Variants in RIGI observed in about 807,000 individuals in gnomAD.
The protein encoded by RIGI is antiviral innate immune response receptor RIG-I.
the RIGI span, among the ~76,000 whole-genome samples, chr9:32,504,600 C>A: frequency 6.6e-6 from 1 of 151,298 alleles, no homozygotes; most frequent in African/African-American, 2.4e-5. Context: ...ATCGCTTGAA[C>A]CCCAGAGATG....
At chr9:32,476,790 A>C in the RIGI span, among the ~76,000 whole-genome samples, 2 of 151,956 alleles carry the variant, frequency 1.3e-5, no homozygotes, top group African/African-American at 4.8e-5. Flanking sequence ...AGCACCAGCT[A>C]ATTTTTCTTT....
At chr9:32,495,659 C>CTTTTT in the RIGI span, among the ~76,000 whole-genome samples, 1 of 120,762 alleles carries the variant, frequency 8.3e-6, no homozygotes, top group Non-Finnish European at 1.7e-5. Context: ...AGTCCTTTGC[C>CTTTTT]TTTTTTTTTT....
chr9:32,508,258 T>TTTTTTTTTTAA, the RIGI span, among the ~76,000 whole-genome samples: 1 of 137,998 alleles, frequency 7.2e-6, no homozygotes, highest in African/African-American at 2.9e-5. Context: ...TTTTTTTTTT[T>TTTTTTTTTTAA]ACTATATGAA....
At chr9:32,457,576 T>C in the RIGI span, among the ~76,000 whole-genome samples, 5 of 151,546 alleles carry the variant, frequency 3.3e-5, no homozygotes, top group African/African-American at 7.3e-5. Context: ...AAAAATAGAT[T>C]CACCCAAAGT....
chr9:32,492,185 C>G, the RIGI span, among the ~76,000 whole-genome samples: 1 of 152,110 alleles, frequency 6.6e-6, no homozygotes, highest in African/African-American at 2.4e-5. Flanking sequence ...GTGGTTTTCC[C>G]CAGTCCATTT....
the RIGI span, among the ~76,000 whole-genome samples, chr9:32,506,625 A>G: frequency 6.6e-6 from 1 of 152,176 alleles, no homozygotes; most frequent in Non-Finnish European, 1.5e-5. Context: ...TTTTTCCAGT[A>G]TATGAAAATA....
the RIGI span, among the ~76,000 whole-genome samples, chr9:32,483,534 T>C: frequency 2.0e-5 from 3 of 152,124 alleles, no homozygotes; most frequent in Non-Finnish European, 4.4e-5. Context: ...ACTTCCCCAA[T>C]TCAAACCACA....
chr9:32,499,238 T>C, the RIGI span, among the ~76,000 whole-genome samples: 26 of 47,476 alleles, frequency 5.5e-4, no homozygotes, highest in East Asian at 7.2e-3. Flanking sequence ...ATTTTAAGAC[T>C]TTTTTTAATA....
the RIGI span, chr9:32,456,235 T>C: frequency 6.6e-5 from 10 of 152,094 alleles, no homozygotes; most frequent in African/African-American, 2.4e-4. Context: ...TAAGAGAACA[T>C]ATTAATAGGG....
the RIGI span, among the ~76,000 whole-genome samples, chr9:32,468,905 T>C: frequency 2.0e-5 from 3 of 152,212 alleles, no homozygotes; most frequent in Admixed American, 6.5e-5. Flanking sequence ...CAATCTTGTT[T>C]CTTTCTCCTG....
At chr9:32,510,154 G>C in the RIGI span, among the ~76,000 whole-genome samples, 7 of 152,124 alleles carry the variant, frequency 4.6e-5, no homozygotes, top group African/African-American at 1.7e-4. Context: ...AACCAAGTTG[G>C]AAAACTCTCG....
chr9:32,456,246 C>G, the RIGI span: 5 of 152,084 alleles, frequency 3.3e-5, no homozygotes, highest in Admixed American at 6.5e-5. Flanking sequence ...ATTAATAGGG[C>G]AAGATGTATA....
chr9:32,483,533 A>G, the RIGI span, among the ~76,000 whole-genome samples: 36 of 152,256 alleles, frequency 2.4e-4, no homozygotes, highest in South Asian at 7.2e-3. Context: ...TACTTCCCCA[A>G]TTCAAACCAC....
the RIGI span, among the ~76,000 whole-genome samples, chr9:32,466,689 TCAAAAAAA>T: frequency 1.8e-4 from 3 of 16,446 alleles, no homozygotes; most frequent in East Asian, 3.9e-3. Context: ...AAGACCTATC[TCAAAAAAA>T]AAAAAAAAAA....
At chr9:32,521,016 T>C in the RIGI span, among the ~76,000 whole-genome samples, 1 of 151,388 alleles carries the variant, frequency 6.6e-6, no homozygotes, top group Non-Finnish European at 1.5e-5. Flanking sequence ...TGTGGTGGCA[T>C]GGCCTGTAAT....
chr9:32,511,648 A>T, the RIGI span, among the ~76,000 whole-genome samples: 1 of 152,234 alleles, frequency 6.6e-6, no homozygotes, highest in Admixed American at 6.5e-5. Context: ...TAAAATCAAC[A>T]TCATAATATC....
the RIGI span, among the ~76,000 whole-genome samples, chr9:32,510,662 T>A: frequency 2.6e-5 from 4 of 152,146 alleles, no homozygotes; most frequent in Admixed American, 2.6e-4. Flanking sequence ...ATCGACACTA[T>A]GAAGAAACTG....
At chr9:32,498,507 G>A in the RIGI span, among the ~76,000 whole-genome samples, 1 of 152,056 alleles carries the variant, frequency 6.6e-6, no homozygotes, top group African/African-American at 2.4e-5. Flanking sequence ...GAAAAATAAA[G>A]CTCTCCTTTC....
the RIGI span, among the ~76,000 whole-genome samples, chr9:32,490,335 C>T: frequency 4.6e-5 from 7 of 152,278 alleles, no homozygotes; most frequent in South Asian, 2.1e-4. Context: ...TGCCACTGCA[C>T]GCCAGCCTGA....
Sources: allele counts gnomAD v4.1 joint callset (sites outside exome capture counted in the v4.1 genomes callset), GRCh38; gene constraint gnomAD v4.1.1; transcripts MANE v1.5; gene names NCBI Gene and HGNC (gene_info 2026-07-23, HGNC 2026-07-21).